SRBD1: variants seen among roughly 807,000 people sequenced by gnomAD.
SRBD1 encodes the protein S1 RNA-binding domain-containing protein 1.
A neutral mutation model predicts 115.3 loss-of-function variants in SRBD1; 88 were observed. The observed-to-expected ratio is 0.76, with a 90% CI of 0.64 to 0.91. The LOEUF is 0.91. Ranked by LOEUF, SRBD1 falls within the 40% of genes least tolerant of loss-of-function variation. SRBD1 has a pLI of 0.00. For missense variants in SRBD1, 1,385 were observed against 1,177.4 expected (o/e 1.18, Z -2.58); for synonymous variants, 509 against 407.7 (o/e 1.25, Z -2.99).
intron 19 of SRBD1, among the ~76,000 whole-genome samples, chr2:45,401,629 C>A (rs1454093060): frequency 6.6e-5 from 10 of 152,162 alleles, no homozygotes; most frequent in Admixed American, 6.5e-4. Context: ...GCAAGTTTCC[C>A]ACAAAGGAAC....
At chr2:45,486,545 G>A (rs1670125597) in intron 15 of SRBD1, among the ~76,000 whole-genome samples, 1 of 151,908 alleles carries the variant, frequency 6.6e-6, no homozygotes. Context: ...GGTTAACATG[G>A]TGAAACCTCG....
At chr2:45,435,402 G>A (rs1238046747) in intron 16 of SRBD1, among the ~76,000 whole-genome samples, 1 of 152,020 alleles carries the variant, frequency 6.6e-6, no homozygotes, top group Non-Finnish European at 1.5e-5. Context: ...CAGACTGGAG[G>A]TTGGGATTCC....
intron 10 of SRBD1, among the ~76,000 whole-genome samples, chr2:45,555,820 C>A (rs1412554130): frequency 6.6e-6 from 1 of 152,104 alleles, no homozygotes; most frequent in Non-Finnish European, 1.5e-5. Flanking sequence ...GCTACAAACC[C>A]TGCTGTCTTG....
At chr2:45,544,493 T>C (rs1672046316) in intron 14 of SRBD1, among the ~76,000 whole-genome samples, 1 of 152,164 alleles carries the variant, frequency 6.6e-6, no homozygotes, top group Non-Finnish European at 1.5e-5. Context: ...GTCGTCTCTA[T>C]AGCCCACATA....
chr2:45,451,937 A>AAAAATTTTAATGTTTCATT (rs1228653733), intron 16 of SRBD1, among the ~76,000 whole-genome samples: 1 of 151,962 alleles, frequency 6.6e-6, no homozygotes, highest in Admixed American at 6.6e-5. Context: ...ATTGTGGTTA[A>AAAAATTTTAATGTTTCATT]AAAATTTTAA....
At chr2:45,533,561 T>G (rs1572743540) in intron 14 of SRBD1, among the ~76,000 whole-genome samples, 1 of 152,148 alleles carries the variant, frequency 6.6e-6, no homozygotes. Context: ...AAGAACAAAA[T>G]TGTATACAGG....
intron 4 of SRBD1, among the ~76,000 whole-genome samples, chr2:45,586,452 G>T (rs1018212236): frequency 2.0e-5 from 3 of 152,136 alleles, no homozygotes. Context: ...AAGGTAATTG[G>T]TTGGGTGAGG....
chr2:45,414,923 GTACACACACAGTGTTATATAGTATGTACA>G (rs1361015610), intron 18 of SRBD1, among the ~76,000 whole-genome samples: 9 of 66,304 alleles, frequency 1.4e-4, no homozygotes, highest in East Asian at 2.4e-4. Context: ...TATATAGTAT[GTACACACACAGTGTTATATAGTATGTACA>G]TACACACACA....
At chr2:45,433,605 G>T (rs1392812801) in intron 16 of SRBD1, among the ~76,000 whole-genome samples, 1 of 152,064 alleles carries the variant, frequency 6.6e-6, no homozygotes, top group African/African-American at 2.4e-5. Flanking sequence ...CAGGAGGCTG[G>T]GAAACATTTG....
chr2:45,452,784 G>A (rs1211101287), intron 16 of SRBD1, among the ~76,000 whole-genome samples: 1 of 151,802 alleles, frequency 6.6e-6, no homozygotes, highest in African/African-American at 2.4e-5. Flanking sequence ...AAAAAAATTG[G>A]TTGTGGTGGG....
Position 45,418,498 on chromosome 2 carries a change from C to T in SRBD1, c.2200G>A (p.Glu734Lys). 1 of 1,600,532 alleles carries T rather than the reference C, an allele frequency of 6.2e-7. No individual in the cohort carries two copies. The highest frequency in any genetic ancestry group is 8.5e-7 in the Non-Finnish European group (1 of 1,172,016). The part of the protein sequence containing the change: ...LNANRAKNII[E>K]WREKNGPFIN... Reference sequence around the variant, plus strand: ...AAGGGTCCATTTTTCTCTCGCCATTCAATAATATTTTTGGCCCTGTTGGCA... The same window carrying T: ...AAGGGTCCATTTTTCTCTCGCCATTTAATAATATTTTTGGCCCTGTTGGCA... The change falls in exon 18 of 21, where the codon GAA (glutamate) becomes AAA (lysine). Residue 734 changes from glutamate to lysine, a missense_variant. Transcript: ENST00000263736.
At chr2:45,441,711 G>A (rs1338839018) in intron 16 of SRBD1, among the ~76,000 whole-genome samples, 1 of 152,220 alleles carries the variant, frequency 6.6e-6, no homozygotes, top group Admixed American at 6.5e-5. Flanking sequence ...AAAAAGAATT[G>A]CCCTAAAATA....
chr2:45,477,145 A>C, intron 15 of SRBD1, 70 bp from the exon 16 acceptor site: 1 of 1,269,408 alleles, frequency 7.9e-7, no homozygotes, highest in Non-Finnish European at 1.1e-6. Context: ...TACTTACATT[A>C]GTTTCTCATA....
intron 8 of SRBD1, among the ~76,000 whole-genome samples, chr2:45,573,741 C>T (rs1200592389): frequency 6.6e-6 from 1 of 152,148 alleles, no homozygotes; most frequent in Non-Finnish European, 1.5e-5. Context: ...GTCAGGACAG[C>T]TTCCAATAAC....
At chr2:45,443,033 T>C (rs566414100) in intron 16 of SRBD1, among the ~76,000 whole-genome samples, 3 of 152,282 alleles carry the variant, frequency 2.0e-5, no homozygotes, top group South Asian at 2.1e-4. Context: ...GGGAAAGTAC[T>C]AAGAAATAAG....
intron 20 of SRBD1, among the ~76,000 whole-genome samples, chr2:45,392,086 T>C (rs1441521698): frequency 1.3e-5 from 2 of 152,146 alleles, no homozygotes; most frequent in Non-Finnish European, 2.9e-5. Context: ...ATTTTTGGCA[T>C]AGTTCTTACT....
At chr2:45,540,086 T>C (rs1309033926) in intron 14 of SRBD1, among the ~76,000 whole-genome samples, 1 of 152,214 alleles carries the variant, frequency 6.6e-6, no homozygotes, top group East Asian at 1.9e-4. Context: ...CTCACGCCTG[T>C]AACCCCAGCA....
chr2:45,455,227 G>C (rs918929005), intron 16 of SRBD1, among the ~76,000 whole-genome samples: 2 of 151,782 alleles, frequency 1.3e-5, no homozygotes, highest in African/African-American at 4.8e-5. Context: ...TTCTATAAGG[G>C]TGAATTTACT....
chr2:45,489,462 T>C (rs902313646), intron 14 of SRBD1, among the ~76,000 whole-genome samples: 10 of 152,322 alleles, frequency 6.6e-5, no homozygotes, highest in Non-Finnish European at 1.3e-4. Context: ...TTATGACAAA[T>C]GTAAGCCACC....
Sources: gnomAD v4.1 joint callset for allele counts (sites outside exome capture counted in the v4.1 genomes callset) on GRCh38, gnomAD v4.1.1 for gene constraint, MANE v1.5 for transcripts, NCBI Gene and HGNC (gene_info 2026-07-23, HGNC 2026-07-21) for gene names.